Variants in DNAH17 observed in about 807,000 individuals in gnomAD.
DNAH17 encodes the protein dynein axonemal heavy chain 17.
DNAH17 carries 376 observed loss-of-function variants against 485.6 expected under a neutral mutation model. That is an observed-to-expected ratio of 0.77 (90% CI 0.71 to 0.84). The LOEUF (loss-of-function observed/expected upper bound fraction) is 0.84, where lower values mean the gene tolerates loss of function less well. DNAH17 is among the 40% of genes least tolerant of loss of function. The pLI is 0.00. For synonymous variants in DNAH17, 3,031 were observed against 2,405.9 expected, an observed-to-expected ratio of 1.26 and a Z score of -7.60; for missense variants, 6,370 against 5,839.3, an observed-to-expected ratio of 1.09 and a Z score of -2.96.
In DNAH17 at chr17:78,526,951, C is replaced by G. The variant is rs1271727644; in HGVS notation, c.3553G>C (p.Val1185Leu). ...TGGAGTGGTGCCACGGTCAGCTTCA[C>G]CTGAATGGCCAGTTTCTTGGTATTT... ...WANTKKLAIQ[V>L]KLTVAPLQAN... The change falls in exon 23 of 81, where the codon GTG becomes CTG. Residue 1185 changes from valine to leucine, a missense_variant. Val to Leu is a conservative substitution (Grantham distance 32). Coordinates refer to ENST00000389840, the MANE Select transcript of DNAH17 (RefSeq NM_173628.4). The G allele has an allele frequency of 3.1e-6, 5 of 1,588,664 alleles. No individual in the cohort carries two copies. The highest frequency in any genetic ancestry group is 4.3e-6 in the Non-Finnish European group (5 of 1,167,280).
At chr17:78,429,658 T>C (rs1043700113) in intron 75 of DNAH17, among the ~76,000 whole-genome samples, 3 of 152,186 alleles carry the variant, frequency 2.0e-5, no homozygotes, top group African/African-American at 4.8e-5. Flanking sequence ...CAGGGCTGAA[T>C]CGGAACTCGC....
chr17:78,510,092 G>C (rs1052013541), intron 27 of DNAH17, among the ~76,000 whole-genome samples: 1 of 152,242 alleles, frequency 6.6e-6, no homozygotes, highest in African/African-American at 2.4e-5. Context: ...TGAGGCAGGA[G>C]AATCTCTTGA....
rs545700032 is a variant in DNAH17 at position 78,525,178 on chromosome 17, G to T, written c.3712-17C>A. On this transcript the variant is annotated splice_polypyrimidine_tract_variant and intron_variant, in intron 24 of 80. Transcript: ENST00000389840. ...CTTTTGTTGCTAGGGGCGGCGAGGG[G>T]GCCGTCAGTAGGGCTACCTACCCTC... 1 of 1,609,396 alleles carries T rather than the reference G, an allele frequency of 6.2e-7. No homozygotes were observed. Among genetic ancestry groups the T allele is most frequent in the Non-Finnish European group, 8.5e-7 (1 of 1,178,284 alleles).
intron 43 of DNAH17, 80 bp from the exon 44 acceptor site, chr17:78,490,927 G>A (rs2089825044): frequency 2.1e-6 from 3 of 1,454,092 alleles, no homozygotes; most frequent in South Asian, 2.8e-5. Context: ...GGGTTACTCG[G>A]AGCAAACCTC....
chr17:78,532,146 A>G (rs1357810274), intron 20 of DNAH17, among the ~76,000 whole-genome samples: 1 of 152,134 alleles, frequency 6.6e-6, no homozygotes, highest in Non-Finnish European at 1.5e-5. Context: ...GAAATTATTC[A>G]AACTTGCCAA....
In DNAH17 at chr17:78,485,570, G is replaced by A. The variant is rs374387913; in HGVS notation, c.7463C>T (p.Thr2488Met). ...CTCACCCTGCAGCATGGCTGAGGTC[G>A]TGTAGAAGTTGAAGGGCACAGCCTG... ...LVQAVPFNFY[T>M]TSAMLQGVLE... The change falls in exon 47 of 81, where the codon ACG becomes ATG. Residue 2488 changes from threonine (T) to methionine (M), a missense_variant. By Grantham distance (81) the Thr-to-Met change is moderately conservative (BLOSUM62 -1). Transcript: ENST00000389840. 6.4e-5 allele frequency: 103 copies of A among 1,612,424 alleles called. No individual in the cohort carries two copies. The Middle Eastern group carries it at 3.1e-3, about 49-fold the overall frequency.
At chr17:78,539,963 C>A in intron 17 of DNAH17, 83 bp from the exon 18 acceptor site, 1 of 1,362,590 alleles carries the variant, frequency 7.3e-7, no homozygotes, top group Non-Finnish European at 9.6e-7. Context: ...CTCTCTGGAC[C>A]GCCCGTCCAT....
At chr17:78,460,621 C>T (rs2088071601) in intron 58 of DNAH17, among the ~76,000 whole-genome samples, 1 of 152,182 alleles carries the variant, frequency 6.6e-6, no homozygotes, top group South Asian at 2.1e-4. Context: ...CTCCCTGACG[C>T]CTCTACTCTG....
chr17:78,438,970 T>C lies in DNAH17; in HGVS notation c.11805+120A>G, dbSNP rs561420011. ...CCTCCTCCTTCAGTGGTGTTAGGAT[T>C]TCCACCCACATTTCTGAATGCAAAC... On this transcript the variant is annotated intron_variant, in intron 73 of 80. Transcript: ENST00000389840. 466 of 1,407,346 alleles carry C rather than the reference T, an allele frequency of 3.3e-4. 3 individuals are homozygous for C. In the East Asian group the frequency reaches 0.01, roughly 31 times the overall value. The allele number at this position is 1,407,346 out of a possible 1,614,324, so 87.2% of individuals were successfully genotyped here. A position where few individuals can be genotyped will look rare whatever the true frequency, so the allele number is the denominator to read the frequency against.
At chr17:78,458,964 T>C in intron 61 of DNAH17, 37 bp downstream of exon 61, 1 of 1,606,594 alleles carries the variant, frequency 6.2e-7, no homozygotes, top group Non-Finnish European at 8.5e-7. Flanking sequence ...CAAGCGGCTC[T>C]GGTGTTTCGC....
At chr17:78,510,562 G>T in intron 26 of DNAH17, 56 bp from the exon 27 acceptor site, 2 of 1,598,152 alleles carry the variant, frequency 1.3e-6, no homozygotes, top group Non-Finnish European at 1.7e-6. Context: ...CTCTGCAGTG[G>T]GCAGACGTCA....
chr17:78,515,139 G>T, intron 25 of DNAH17, 117 bp from the exon 26 acceptor site: 1 of 1,178,464 alleles, frequency 8.5e-7, no homozygotes, highest in Non-Finnish European at 1.2e-6. Context: ...GGAATATTTA[G>T]AACTAATACC....
At chr17:78,444,031 G>A (rs1047598774) in intron 71 of DNAH17, among the ~76,000 whole-genome samples, 2 of 152,202 alleles carry the variant, frequency 1.3e-5, no homozygotes, top group East Asian at 1.9e-4. Flanking sequence ...AAGGGTTTCA[G>A]GTCTGGAGAA....
intron 30 of DNAH17, 37 bp downstream of exon 30, chr17:78,506,683 T>G (rs777598002): frequency 6.2e-7 from 1 of 1,613,028 alleles, no homozygotes; most frequent in African/African-American, 1.3e-5. Flanking sequence ...TGGCATGATG[T>G]TGGCTTAAAC....
intron 33 of DNAH17, 163 bp downstream of exon 33, chr17:78,502,428 G>A (rs2090329837): frequency 1.7e-6 from 1 of 601,374 alleles, no homozygotes; most frequent in East Asian, 3.0e-5. Context: ...GTGGTGCGTG[G>A]CTGTTATTTG....
At chr17:78,538,630 A>C (rs980717836) in intron 18 of DNAH17, among the ~76,000 whole-genome samples, 12 of 152,172 alleles carry the variant, frequency 7.9e-5, no homozygotes, top group Admixed American at 4.6e-4. Context: ...GGCTACTCAC[A>C]AAGTAGGAGG....
In DNAH17 at chr17:78,450,147, G is replaced by A. The variant is rs1051871536; in HGVS notation, c.11040+107C>T. 6.6e-6 allele frequency: 9 copies of A among 1,367,886 alleles called. No individual in the cohort carries two copies. In the Admixed American group the frequency reaches 1.8e-4, roughly 28 times the overall value. The allele number at this position is 1,367,886 out of a possible 1,614,324, so 84.7% of individuals were successfully genotyped here. ...GGCTGGACCAGGTCTGCCCTCTGAG[G>A]GTGGCCCTGGCACTGCCCGATGGCT... On this transcript the variant is annotated intron_variant, in intron 68 of 80. Transcript: ENST00000389840.
intron 75 of DNAH17, among the ~76,000 whole-genome samples, chr17:78,433,677 G>A (rs1007328676): frequency 2.6e-5 from 4 of 152,142 alleles, no homozygotes; most frequent in African/African-American, 9.7e-5. Flanking sequence ...ACACCCTGTG[G>A]TGGCAGGATT....
At chr17:78,560,974 C>T in intron 12 of DNAH17, 39 bp from the exon 13 acceptor site, 1 of 1,512,870 alleles carries the variant, frequency 6.6e-7, no homozygotes, top group Non-Finnish European at 8.9e-7. Context: ...CACTGGATAT[C>T]TCCTGTGGGG....
Sources: allele counts gnomAD v4.1 joint callset (sites outside exome capture counted in the v4.1 genomes callset), GRCh38; gene constraint gnomAD v4.1.1; transcripts MANE v1.5; gene names NCBI Gene and HGNC (gene_info 2026-07-23, HGNC 2026-07-21).